PDCD6IP: variants seen among roughly 807,000 people sequenced by gnomAD.
The protein encoded by PDCD6IP is programmed cell death 6-interacting protein.
In PDCD6IP, 43 loss-of-function variants were observed where a neutral mutation model predicts 103.7. The ratio of observed to expected loss-of-function variants is 0.41; its 90% confidence interval spans 0.32 to 0.53. PDCD6IP has a LOEUF of 0.53. PDCD6IP is among the 20% of genes least tolerant of loss of function. PDCD6IP has a pLI of 0.16. For synonymous variants in PDCD6IP, 354 were observed against 378.7 expected (o/e 0.93, Z 0.76); for missense variants, 871 against 1,036.7 (o/e 0.84, Z 2.20).
intron 1 of PDCD6IP, among the ~76,000 whole-genome samples, chr3:33,808,172 C>A (rs1180293247): frequency 6.6e-6 from 1 of 152,056 alleles, no homozygotes; most frequent in East Asian, 1.9e-4. Flanking sequence ...AAACATAATC[C>A]CACCAATAAT....
At chr3:33,802,811 A>G (rs1055488377) in intron 1 of PDCD6IP, among the ~76,000 whole-genome samples, 1 of 152,074 alleles carries the variant, frequency 6.6e-6, no homozygotes, top group African/African-American at 2.4e-5. Flanking sequence ...TTTTTTTGAG[A>G]GTGAACCTAC....
At chr3:33,812,004 C>T in intron 1 of PDCD6IP, 68 bp from the exon 2 acceptor site, 1 of 1,489,458 alleles carries the variant, frequency 6.7e-7, no homozygotes, top group Non-Finnish European at 8.9e-7. Flanking sequence ...CATTTTAAAC[C>T]AGTTGTAATT....
Position 33,840,222 on chromosome 3 carries a change from A to G in PDCD6IP, c.1182-1675A>G, listed in dbSNP as rs190880538. On this transcript the variant is annotated intron_variant, in intron 9 of 17. Coordinates refer to ENST00000307296, the MANE Select transcript of PDCD6IP (RefSeq NM_013374.6). Reference sequence around the variant, plus strand: ...ATAATAAATAAGCTAGAGAAAAAATACTATTAAGAAAATCATAAGGAAGAG... The same window carrying G: ...ATAATAAATAAGCTAGAGAAAAAATGCTATTAAGAAAATCATAAGGAAGAG... Among the ~76,000 whole-genome samples the G allele has an allele frequency of 3.3e-5, 5 of 152,334 alleles. No individual in the cohort carries two copies. The East Asian group carries it at 9.6e-4, about 29-fold the overall frequency.
intron 4 of PDCD6IP, among the ~76,000 whole-genome samples, chr3:33,823,343 C>T (rs919060107): frequency 6.6e-6 from 1 of 152,138 alleles, no homozygotes; most frequent in Non-Finnish European, 1.5e-5. Flanking sequence ...GTGAGTGATG[C>T]TGTTCTGAGA....
intron 15 of PDCD6IP, among the ~76,000 whole-genome samples, chr3:33,860,572 C>T (rs759466172): frequency 3.3e-5 from 5 of 152,180 alleles, no homozygotes; most frequent in Admixed American, 1.3e-4. Flanking sequence ...CCAGGGCAAC[C>T]GCTATCCTAA....
intron 15 of PDCD6IP, among the ~76,000 whole-genome samples, chr3:33,857,563 G>C (rs533806668): frequency 2.0e-5 from 3 of 152,244 alleles, no homozygotes; most frequent in African/African-American, 7.2e-5. Flanking sequence ...GGATGCAGAA[G>C]TCCTAAATAA....
At chr3:33,821,518 G>C (rs1696992009) in intron 3 of PDCD6IP, among the ~76,000 whole-genome samples, 1 of 151,914 alleles carries the variant, frequency 6.6e-6, no homozygotes, top group African/African-American at 2.4e-5. Flanking sequence ...TAAAGCATAA[G>C]GCCAGCTAGG....
In PDCD6IP at chr3:33,868,281, T is replaced by G. The variant is rs896313221; in HGVS notation, c.*1756T>G. ...GGTATTACAAGTTGCTAGTTTATAA[T>G]GTCTTACTAATGCAGAAACAAGGAA... On this transcript the variant is annotated 3_prime_UTR_variant, in exon 18 of 18. Coordinates refer to ENST00000307296, the MANE Select transcript of PDCD6IP (RefSeq NM_013374.6). 3.3e-5 allele frequency: 5 copies of G among 152,206 alleles called. No homozygotes were observed. The highest frequency in any genetic ancestry group is 1.2e-4 in the African/African-American group (5 of 41,458). The allele number at this position is 152,206 out of a possible 1,614,324, so 9.4% of individuals were successfully genotyped here.
chr3:33,844,885 T>G (rs898745831), intron 11 of PDCD6IP, among the ~76,000 whole-genome samples: 6 of 152,178 alleles, frequency 3.9e-5, no homozygotes, highest in African/African-American at 1.4e-4. Context: ...AAAATGAGCT[T>G]TAAGTTATTT....
intron 3 of PDCD6IP, among the ~76,000 whole-genome samples, chr3:33,816,809 A>G (rs1341965600): frequency 6.6e-6 from 1 of 152,136 alleles, no homozygotes; most frequent in Non-Finnish European, 1.5e-5. Flanking sequence ...AAGGTGCAGA[A>G]AAGGATTTTT....
At chr3:33,849,803 C>T (rs547846436) in intron 12 of PDCD6IP, among the ~76,000 whole-genome samples, 2 of 152,204 alleles carry the variant, frequency 1.3e-5, no homozygotes, top group African/African-American at 4.8e-5. Context: ...GCCTTATAAT[C>T]TGAAATATGT....
Position 33,852,855 on chromosome 3 carries a change from A to T in PDCD6IP, c.1890+119A>T, listed in dbSNP as rs902149845. On this transcript the variant is annotated intron_variant, in intron 13 of 17. Transcript: ENST00000307296. ...GGAGAATATCTGTAGTTAAGAGTAG[A>T]ACTTAATACATGTATATTTTGTAAA... The T allele has an allele frequency of 2.3e-5, 28 of 1,203,074 alleles. No homozygotes were observed. The African/African-American group carries it at 4.3e-4, about 18-fold the overall frequency. The allele number at this position is 1,203,074 out of a possible 1,614,324, so 74.5% of individuals were successfully genotyped here.
intron 1 of PDCD6IP, among the ~76,000 whole-genome samples, chr3:33,804,982 T>A (rs1322055681): frequency 6.6e-6 from 1 of 152,088 alleles, no homozygotes; most frequent in Non-Finnish European, 1.5e-5. Flanking sequence ...CTGAATAGGG[T>A]TGTGTGAATT....
Position 33,836,967 on chromosome 3 carries a change from G to A in PDCD6IP, c.1057+701G>A, listed in dbSNP as rs546293321. Among the ~76,000 whole-genome samples the A allele has an allele frequency of 3.1e-4, 47 of 151,728 alleles. 2 individuals carry two copies. In the South Asian group the frequency reaches 9.8e-3, roughly 32 times the overall value. ...ACGGAGTATCGCTCTTGTTGCCCAG[G>A]CTGGAGTGCAATGGTGCTGTCTCCC... is the stretch of plus-strand genomic sequence containing the variant. On this transcript the variant is annotated intron_variant, in intron 8 of 17. Transcript: ENST00000307296.
chr3:33,857,505 C>T (rs1697855398), intron 15 of PDCD6IP, among the ~76,000 whole-genome samples: 1 of 152,078 alleles, frequency 6.6e-6, no homozygotes, highest in African/African-American at 2.4e-5. Flanking sequence ...AAAAACCTAA[C>T]AAAGATTAAT....
intron 7 of PDCD6IP, among the ~76,000 whole-genome samples, chr3:33,832,136 T>TA (rs1398309145): frequency 6.6e-6 from 1 of 152,184 alleles, no homozygotes; most frequent in Non-Finnish European, 1.5e-5. Flanking sequence ...TATTTTCTGA[T>TA]AGTTCTGGAG....
chr3:33,857,407 C>G (rs1306539594), intron 15 of PDCD6IP, among the ~76,000 whole-genome samples: 2 of 152,098 alleles, frequency 1.3e-5, no homozygotes, highest in Admixed American at 6.5e-5. Flanking sequence ...TCTCGAACTC[C>G]TGACCTCAGG....
rs1407594273 is a variant in PDCD6IP, at chr3:33,828,840, T to C, written c.718-13T>C. ...TGGTTGGACTCTCCCCTGGTCAGTA[T>C]TTTTATTTCCAGGAGGTGTTCCCTG... On this transcript the variant is annotated splice_polypyrimidine_tract_variant and intron_variant, in intron 6 of 17. Transcript: ENST00000307296. 1.9e-6 allele frequency: 3 copies of C among 1,612,722 alleles called. No individual in the cohort carries two copies. Among genetic ancestry groups the C allele is most frequent in the Middle Eastern group, 3.3e-4 (2 of 6,058 alleles).
At chr3:33,860,256 T>C (rs1325818586) in intron 15 of PDCD6IP, among the ~76,000 whole-genome samples, 1 of 152,204 alleles carries the variant, frequency 6.6e-6, no homozygotes, top group Admixed American at 6.5e-5. Context: ...TTGTCAAGTA[T>C]TTTCAGCTCA....
Sources: gnomAD v4.1 joint callset for allele counts (sites outside exome capture counted in the v4.1 genomes callset) on GRCh38, gnomAD v4.1.1 for gene constraint, MANE v1.5 for transcripts, NCBI Gene and HGNC (gene_info 2026-07-23, HGNC 2026-07-21) for gene names.